The following SCN4A variants were observed in gnomAD, a reference collection of about 807,000 sequenced individuals.
The protein encoded by SCN4A is sodium voltage-gated channel alpha subunit 4.
SCN4A carries 83 observed loss-of-function variants against 162.0 expected under a neutral mutation model. The ratio of observed to expected loss-of-function variants is 0.51; its 90% CI spans 0.43 to 0.61. SCN4A has a LOEUF of 0.61. Ranked by LOEUF, SCN4A falls within the 20% of genes least tolerant of loss-of-function variation. SCN4A has a pLI of 0.00. For synonymous variants in SCN4A, 944 were observed against 985.1 expected (o/e 0.96, Z 0.78); for missense variants, 2,196 against 2,462.5 (o/e 0.89, Z 2.29).
chr17:63,966,695 C>T (rs941081917), intron 6 of SCN4A, among the ~76,000 whole-genome samples, 151 bp from the exon 7 acceptor site: 1 of 152,270 alleles, frequency 6.6e-6, no homozygotes, highest in African/African-American at 2.4e-5. Context: ...CCTTTAAGGA[C>T]AGCTCCAAGT....
At chr17:63,970,700 C>T (rs1909585880) in intron 5 of SCN4A, among the ~76,000 whole-genome samples, 1 of 151,698 alleles carries the variant, frequency 6.6e-6, no homozygotes, top group Non-Finnish European at 1.5e-5. Context: ...GTGGCGTGAT[C>T]TCGGCTGACT....
intron 17 of SCN4A, among the ~76,000 whole-genome samples, 172 bp from the exon 18 acceptor site, chr17:63,947,339 C>G (rs995137802): frequency 1.3e-5 from 2 of 152,194 alleles, no homozygotes; most frequent in Non-Finnish European, 2.9e-5. Flanking sequence ...GTCCCAGTAC[C>G]TGTAGGAGCC....
intron 11 of SCN4A, among the ~76,000 whole-genome samples, chr17:63,960,711 C>T (rs537378930): frequency 8.5e-5 from 13 of 152,112 alleles, no homozygotes; most frequent in Non-Finnish European, 1.9e-4. Context: ...CCTGGCCACG[C>T]TGGAGAAATA....
intron 13 of SCN4A, among the ~76,000 whole-genome samples, chr17:63,952,178 C>T (rs187046465): frequency 4.6e-5 from 7 of 152,080 alleles, no homozygotes; most frequent in Admixed American, 4.6e-4. Flanking sequence ...GGAACTCTCT[C>T]CATGACTGTC....
rs1252901589 is a variant in SCN4A, at chr17:63,938,611, C to G, written c.*2160G>C. 1 of 152,704 alleles carries G rather than the reference C, an allele frequency of 6.5e-6. No homozygotes were observed. Among genetic ancestry groups the G allele is most frequent in the Non-Finnish European group, 1.5e-5 (1 of 68,100 alleles). 9.5% of individuals were successfully genotyped at this position (152,704 alleles called of 1,614,324 possible). A position where few individuals can be genotyped will look rare whatever the true frequency, so the allele number is the denominator to read the frequency against. On this transcript the variant is annotated 3_prime_UTR_variant, in exon 24 of 24. Transcript: ENST00000435607. ...CTGTACAAAGGAGCCCGCCTGCTGGCCTGGCGTGGGACCTGTTCCCCACTG... is the reference window on the plus strand; with the variant it reads ...CTGTACAAAGGAGCCCGCCTGCTGGGCTGGCGTGGGACCTGTTCCCCACTG...
chr17:63,946,015 C>T (rs553805393), intron 18 of SCN4A, among the ~76,000 whole-genome samples: 11 of 152,234 alleles, frequency 7.2e-5, no homozygotes, highest in Admixed American at 2.6e-4. Flanking sequence ...AGCCCCAGAG[C>T]CCCAGACACA....
chr17:63,942,878 G>T lies in SCN4A; in HGVS notation c.4236C>A (p.Phe1412Leu), dbSNP rs747252041. Reference protein sequence around the residue: ...LKMLALRQYYFTVGWNIFDFV... With the variant: ...LKMLALRQYYLTVGWNIFDFV... Reference sequence around the variant, plus strand: ...AGTCAAAGATGTTCCAGCCAACGGTGAAGTAGTACTGGCGCAGGGCGAGCA... The same window carrying T: ...AGTCAAAGATGTTCCAGCCAACGGTTAAGTAGTACTGGCGCAGGGCGAGCA... The change falls in exon 23 of 24, where the codon TTC becomes TTA. Residue 1412 changes from phenylalanine to leucine, a missense_variant. Coordinates refer to ENST00000435607, the MANE Select transcript of SCN4A (RefSeq NM_000334.4). 11 of 1,613,952 alleles carry T rather than the reference G, an allele frequency of 6.8e-6. No individual in the cohort carries two copies. Among genetic ancestry groups the T allele is most frequent in the Non-Finnish European group, 9.3e-6 (11 of 1,179,906 alleles).
chr17:63,939,708 A>AG lies in SCN4A; in HGVS notation c.*1062dup, dbSNP rs1056997915. 1 of 152,220 alleles carries AG rather than the reference A, an allele frequency of 6.6e-6. No individual in the cohort carries two copies. Among genetic ancestry groups the AG allele is most frequent in the African/African-American group, 2.4e-5 (1 of 41,454 alleles). The allele number at this position is 152,220 out of a possible 1,614,324, so 9.4% of individuals were successfully genotyped here. On this transcript the variant is annotated 3_prime_UTR_variant, in exon 24 of 24. Coordinates refer to ENST00000435607, the MANE Select transcript of SCN4A (RefSeq NM_000334.4). The stretch of plus-strand genomic sequence containing the variant: ...TTGGGCCTTCCCTGCTGCACGCCCC[A>AG]GGGTCGAAATATCTAACCTGAGCTC...
Position 63,972,172 on chromosome 17 carries a change from G to A in SCN4A, c.446C>T (p.Thr149Ile), listed in dbSNP as rs1187844723. 1.2e-6 allele frequency: 2 copies of A among 1,613,510 alleles called. No homozygotes were observed. The highest frequency in any genetic ancestry group is 1.7e-6 in the Non-Finnish European group (2 of 1,179,754). The part of the protein sequence containing the change: ...ITILTNCVFM[T>I]MSDPPPWSKN... Reference sequence around the variant, plus strand: ...GGACCAGGGAGGCGGGTCACTCATGGTCATGAATACGCAGTTGGTCAAGAT... The same window carrying A: ...GGACCAGGGAGGCGGGTCACTCATGATCATGAATACGCAGTTGGTCAAGAT... Residue 149 changes from threonine (T) to isoleucine (I), a missense_variant, in exon 3 of 24, where the codon ACC becomes ATC. Physicochemically the swap from Thr to Ile is moderately conservative, Grantham distance 89. Coordinates refer to ENST00000435607, the MANE Select transcript of SCN4A (RefSeq NM_000334.4). The surrounding 1 kb of genome is among the most constrained non-coding windows in gnomAD (Gnocchi z 4.3).
chr17:63,969,993 C>T (rs60017106), intron 5 of SCN4A, among the ~76,000 whole-genome samples: 3,663 of 152,260 alleles, frequency 0.024, 155 homozygotes, highest in African/African-American at 0.083. Context: ...TTCCCAGAGC[C>T]TGATCTCTAT....
chr17:63,955,952 C>T (rs991917654), intron 13 of SCN4A, among the ~76,000 whole-genome samples: 4 of 152,252 alleles, frequency 2.6e-5, no homozygotes, highest in Non-Finnish European at 4.4e-5. Flanking sequence ...TTCCCAGTCC[C>T]TGTTGCCCAG....
rs1185395150 is a variant in SCN4A, at chr17:63,949,519, G to T, written c.2863C>A (p.Gln955Lys). ...SEPEDSKKPP[Q>K]PLYDGNSSVC... ...GACGAGTTCCCATCATAGAGAGGCT[G>T]CGGCGGCTTCTGCGGAGGCCACAGG... The change falls in exon 15 of 24, where the codon CAG becomes AAG. Residue 955 changes from glutamine to lysine, a missense_variant. Physicochemically the swap from Gln to Lys is moderately conservative, Grantham distance 53. Coordinates refer to ENST00000435607, the MANE Select transcript of SCN4A (RefSeq NM_000334.4). 3 of 1,608,518 alleles carry T rather than the reference G, an allele frequency of 1.9e-6. No homozygotes were observed. The highest frequency in any genetic ancestry group is 2.2e-5 in the East Asian group (1 of 44,726).
intron 5 of SCN4A, among the ~76,000 whole-genome samples, chr17:63,968,637 C>T (rs1771467558): frequency 6.6e-6 from 1 of 152,172 alleles, no homozygotes; most frequent in South Asian, 2.1e-4. Flanking sequence ...AGGCATACAG[C>T]AGAGCTTAAT....
At position 63,940,700 on chromosome 17, in the gene SCN4A, C is replaced by T; in HGVS notation, c.*71G>A. On this transcript the variant is annotated 3_prime_UTR_variant, in exon 24 of 24. Transcript: ENST00000435607. ...AGATTCAAAGCCCTCCTCCCTCACT[C>T]TGTGTGCAGGCACCACGGGGGAGCT... 1.9e-5 allele frequency: 28 copies of T among 1,496,334 alleles called. No individual in the cohort carries two copies. Among genetic ancestry groups the T allele is most frequent in the Non-Finnish European group, 2.3e-5 (26 of 1,118,122 alleles). 92.7% of individuals were successfully genotyped at this position (1,496,334 alleles called of 1,614,324 possible). A position where few individuals can be genotyped will look rare whatever the true frequency, so the allele number is the denominator to read the frequency against.
rs755071266 is a variant in SCN4A at position 63,972,527 on chromosome 17, A to T, written c.273+42T>A. ...GACAGACAGACAGGCAGACAGATGG[A>T]TGGATGGCAGACAGACAGAGGAAGC... On this transcript the variant is annotated intron_variant, in intron 1 of 23. Transcript: ENST00000435607. This position sits in a 1 kb window ranked among gnomAD's most constrained non-coding sequence, Gnocchi z 4.3. 1.4e-5 allele frequency: 22 copies of T among 1,602,258 alleles called. No individual in the cohort carries two copies. Among genetic ancestry groups the T allele is most frequent in the Non-Finnish European group, 1.8e-5 (21 of 1,174,210 alleles).
In SCN4A at chr17:63,948,614, A is replaced by C. The variant is rs1307565603; in HGVS notation, c.3141T>G (p.Ala1047=). 1 of 1,613,070 alleles carries C rather than the reference A, an allele frequency of 6.2e-7. No individual in the cohort carries two copies. The highest frequency in any genetic ancestry group is 8.5e-7 in the Non-Finnish European group (1 of 1,179,422). ...IVFMILLSSG[A]LAFEDIYIEQ... ...CGTGCTCCCAGGCAGTGCCTACCAGAGCCCCACTGCTGAGCAGGATCATGA... is the reference window on the plus strand; with the variant it reads ...CGTGCTCCCAGGCAGTGCCTACCAGCGCCCCACTGCTGAGCAGGATCATGA... The change falls in exon 16 of 24, where the codon GCT becomes GCG. Residue 1047 remains alanine, a synonymous_variant. Transcript: ENST00000435607.
chr17:63,957,079 G>T, intron 13 of SCN4A, 83 bp downstream of exon 13: 1 of 929,224 alleles, frequency 1.1e-6, no homozygotes, highest in Admixed American at 2.7e-5. Context: ...GATGTGTTGG[G>T]GAGATAGAAA....
At chr17:63,948,584 T>C in intron 16 of SCN4A, 27 bp downstream of exon 16, 1 of 1,605,466 alleles carries the variant, frequency 6.2e-7, no homozygotes, top group Non-Finnish European at 8.5e-7. Flanking sequence ...CCCCTGCCCC[T>C]GACCCGTGCT....
rs1031874887 is a variant in SCN4A at position 63,948,179 on chromosome 17, C to G, written c.3145-116G>C. On this transcript the variant is annotated intron_variant, in intron 16 of 23. Transcript: ENST00000435607. ...GGGGGTCTGCCGTGGGGGCCCAGCCCAAGGGACAGGCTGTCCGCATCTCCT... is the reference window on the plus strand; with the variant it reads ...GGGGGTCTGCCGTGGGGGCCCAGCCGAAGGGACAGGCTGTCCGCATCTCCT... 1.2e-5 allele frequency: 9 copies of G among 765,860 alleles called. No homozygotes were observed. In the African/African-American group the frequency reaches 1.6e-4, roughly 14 times the overall value. The allele number at this position is 765,860 out of a possible 1,614,324, so 47.4% of individuals were successfully genotyped here.
Sources: allele counts gnomAD v4.1 joint callset (sites outside exome capture counted in the v4.1 genomes callset), GRCh38; gene constraint gnomAD v4.1.1; non-coding constraint Gnocchi (gnomAD v3.1); transcripts MANE v1.5; gene names NCBI Gene and HGNC (gene_info 2026-07-23, HGNC 2026-07-21).